The following IL3RA variants were observed in gnomAD, a reference collection of about 807,000 sequenced individuals.
IL3RA encodes interleukin-3 receptor subunit alpha.
IL3RA carries 73 observed loss-of-function variants against 52.3 expected under a neutral mutation model. The observed-to-expected ratio is 1.40, with a 90% confidence interval of 1.16 to 1.70. The LOEUF (loss-of-function observed/expected upper bound fraction) is 1.70. IL3RA is among the 40% of genes most tolerant of loss of function. IL3RA has a pLI of 0.00. For synonymous variants in IL3RA, 260 were observed against 194.0 expected, an observed-to-expected ratio of 1.34 and a Z score of -2.83; for missense variants, 664 against 504.4, an observed-to-expected ratio of 1.32 and a Z score of -3.03.
At chrX:1,342,594 C>G (rs1400057298) in intron 2 of IL3RA, among the ~76,000 whole-genome samples, 1 of 97,472 alleles carries the variant, frequency 1.0e-5, no homozygotes, top group Non-Finnish European at 2.0e-5. Context: ...GAGTTTCATT[C>G]TGGTCGCCCA....
At chrX:1,381,688 G>A (rs1417809631) in intron 11 of IL3RA, among the ~76,000 whole-genome samples, 1 of 151,440 alleles carries the variant, frequency 6.6e-6, no homozygotes, top group Non-Finnish European at 1.5e-5. Context: ...GGGACTACAG[G>A]CACGCACCGA....
Position 1,352,498 on chromosome X carries a change from C to T in IL3RA, c.608C>T (p.Ser203Leu), listed in dbSNP as rs771011047. The T allele has an allele frequency of 6.2e-7, 1 of 1,613,316 alleles. No individual in the cohort carries two copies. The highest frequency in any genetic ancestry group is 1.3e-5 in the African/African-American group (1 of 75,042). The stretch of plus-strand genomic sequence containing the variant: ...TGCACAGATAAGTTTGTCGTCTTTT[C>T]ACAGATTGGTGAGTAGCCCGGGACA... ...IPCTDKFVVF[S>L]QIEILTPPNM... Residue 203 changes from serine (S) to leucine (L), a missense_variant, in exon 6 of 12, where the codon TCA becomes TTA. Ser to Leu is a moderately radical substitution (Grantham distance 145). Transcript: ENST00000331035.
chrX:1,379,867 C>G (rs189567679), intron 10 of IL3RA, among the ~76,000 whole-genome samples: 46 of 152,374 alleles, frequency 3.0e-4, no homozygotes, highest in Admixed American at 3.0e-3. Context: ...TCAAGCGATT[C>G]TCCTGCCTCA....
chrX:1,379,421 G>A (rs769508477), intron 10 of IL3RA, among the ~76,000 whole-genome samples: 1 of 152,154 alleles, frequency 6.6e-6, no homozygotes, highest in Non-Finnish European at 1.5e-5. Context: ...CTCCCAAAGT[G>A]CTGGGATTAC....
At chrX:1,378,812 C>T (rs1165988034) in intron 10 of IL3RA, 48 bp downstream of exon 10, 5 of 1,489,220 alleles carry the variant, frequency 3.4e-6, no homozygotes, top group Non-Finnish European at 4.7e-6. Flanking sequence ...CCAGTGTGAC[C>T]CTGAAAGTTA....
intron 9 of IL3RA, among the ~76,000 whole-genome samples, chrX:1,370,090 G>C (rs1482556156): frequency 6.9e-4 from 6 of 8,750 alleles, no homozygotes; most frequent in Admixed American, 1.5e-3. Context: ...GACACACACA[G>C]AGGGACGACC....
chrX:1,340,115 CTTT>C (rs779128210), intron 1 of IL3RA, among the ~76,000 whole-genome samples: 5 of 127,196 alleles, frequency 3.9e-5, no homozygotes, highest in Non-Finnish European at 5.1e-5. Context: ...CTTTTCTTTT[CTTT>C]TTTTTTTTTT....
At chrX:1,350,915 G>A (rs866253553) in intron 4 of IL3RA, among the ~76,000 whole-genome samples, 5 of 147,920 alleles carry the variant, frequency 3.4e-5, no homozygotes, top group East Asian at 4.0e-4. Flanking sequence ...GCACACACAC[G>A]CACACACACA....
intron 1 of IL3RA, among the ~76,000 whole-genome samples, chrX:1,339,217 C>G (rs1201222547): frequency 6.6e-6 from 1 of 152,132 alleles, no homozygotes; most frequent in South Asian, 2.1e-4. Flanking sequence ...TGGACCACAG[C>G]CCCTACAGGC....
chrX:1,358,933 G>A, intron 8 of IL3RA, 46 bp downstream of exon 8: 1 of 1,506,636 alleles, frequency 6.6e-7, no homozygotes, highest in Non-Finnish European at 9.0e-7. Flanking sequence ...ATTGCAAAGG[G>A]TGAGTTTTAT....
chrX:1,345,113 AGC>A (rs1290595333), intron 2 of IL3RA, among the ~76,000 whole-genome samples: 2 of 151,434 alleles, frequency 1.3e-5, no homozygotes, highest in Non-Finnish European at 2.9e-5. Flanking sequence ...GCTTGCAGTG[AGC>A]TGAGATCGTG....
chrX:1,343,797 AGTTTTTTT>A (rs2085597127), intron 2 of IL3RA, among the ~76,000 whole-genome samples: 1 of 78,192 alleles, frequency 1.3e-5, no homozygotes, highest in Non-Finnish European at 2.6e-5. Context: ...TTTGAGACGG[AGTTTTTTT>A]GTTTTTTTGA....
At position 1,362,160 on chromosome X, in the gene IL3RA, C is replaced by T. The variant is rs370926550; in HGVS notation, c.760-2978C>T. Among the ~76,000 whole-genome samples the T allele has an allele frequency of 5.4e-3, 550 of 101,358 alleles. 4 individuals carry two copies. Among genetic ancestry groups the T allele is most frequent in the African/African-American group, 0.037 (497 of 13,556 alleles). The allele number at this position is 101,358 out of a possible 152,430, so 66.5% of individuals were successfully genotyped here. A position where few individuals can be genotyped will look rare whatever the true frequency, so the allele number is the denominator to read the frequency against. On this transcript the variant is annotated intron_variant, in intron 8 of 11. Coordinates refer to ENST00000331035, the MANE Select transcript of IL3RA (RefSeq NM_002183.4). ...TCTGTTTCTGTTTTTCTGTTTTTCTCTTTCCCTCTCTCTTTGTATCTATGT... is the reference window on the plus strand; with the variant it reads ...TCTGTTTCTGTTTTTCTGTTTTTCTTTTTCCCTCTCTCTTTGTATCTATGT...
chrX:1,352,392 G>A lies in IL3RA; in HGVS notation c.502G>A (p.Asp168Asn), dbSNP rs200321061. 8.1e-6 allele frequency: 13 copies of A among 1,613,848 alleles called. No homozygotes were observed. In the South Asian group the frequency reaches 1.3e-4, roughly 16 times the overall value. ...GGGAACACGTATCGGGTGTCGTTTC[G>A]ATGACATCTCTCGACTCTCCAGCGG... ...AQGTRIGCRF[D>N]DISRLSSGSQ... Residue 168 changes from aspartate to asparagine, a missense_variant, in exon 6 of 12, where the codon GAT (aspartate) becomes AAT (asparagine). Asp to Asn is a conservative substitution (Grantham distance 23, BLOSUM62 1). Coordinates refer to ENST00000331035, the MANE Select transcript of IL3RA (RefSeq NM_002183.4).
At chrX:1,350,225 C>A (rs1142043) in intron 4 of IL3RA, among the ~76,000 whole-genome samples, 1 of 145,570 alleles carries the variant, frequency 6.9e-6, no homozygotes, top group Non-Finnish European at 1.5e-5. Context: ...GAGGCCGAGG[C>A]GGGCGGATCA....
At chrX:1,361,974 C>A (rs2087434935) in intron 8 of IL3RA, among the ~76,000 whole-genome samples, 1 of 151,956 alleles carries the variant, frequency 6.6e-6, no homozygotes, top group African/African-American at 2.4e-5. Flanking sequence ...AACTACATCA[C>A]CCACTCTCTC....
chrX:1,360,534 T>C (rs1172861603), intron 8 of IL3RA, among the ~76,000 whole-genome samples: 2 of 151,720 alleles, frequency 1.3e-5, no homozygotes, highest in Non-Finnish European at 2.9e-5. Context: ...ATCTTTCTTT[T>C]TGAAACGGAG....
In IL3RA at chrX:1,382,532, C is replaced by G; in HGVS notation, c.*67C>G. On this transcript the variant is annotated 3_prime_UTR_variant, in exon 12 of 12. Transcript: ENST00000331035. ...TGGCCGGGCCAGGCGCCTGCACAGA[C>G]TGGCTGCTGGACCTGCGCACGCAGC... 6.9e-7 allele frequency: 1 copy of G among 1,450,368 alleles called. No individual in the cohort carries two copies. The highest frequency in any genetic ancestry group is 9.7e-7 in the Non-Finnish European group (1 of 1,031,008). 89.8% of individuals were successfully genotyped at this position (1,450,368 alleles called of 1,614,324 possible).
intron 4 of IL3RA, among the ~76,000 whole-genome samples, chrX:1,351,089 C>G (rs1350696271): frequency 6.6e-6 from 1 of 151,856 alleles, no homozygotes; most frequent in African/African-American, 2.4e-5. Context: ...TGCCTGTTGT[C>G]CCAGATACTT....
Sources: allele counts gnomAD v4.1 joint callset (sites outside exome capture counted in the v4.1 genomes callset), GRCh38; gene constraint gnomAD v4.1.1; transcripts MANE v1.5; gene names NCBI Gene and HGNC (gene_info 2026-07-23, HGNC 2026-07-21).